Variants in PTPRD observed in about 807,000 individuals in gnomAD.
PTPRD encodes protein tyrosine phosphatase receptor type D.
PTPRD carries 34 observed loss-of-function variants against 214.5 expected under a neutral mutation model. The ratio of observed to expected loss-of-function variants is 0.16; its 90% confidence interval spans 0.12 to 0.21. PTPRD has a LOEUF of 0.21. Among genes scored for constraint, PTPRD ranks in the 10% least tolerant of loss-of-function variants. The pLI is 1.00. For missense variants in PTPRD, 2,545 were observed against 2,398.7 expected, an observed-to-expected ratio of 1.06 and a Z score of -1.27; for synonymous variants, 1,128 against 845.7, an observed-to-expected ratio of 1.33 and a Z score of -5.79.
At chr9:9,802,600 C>G (rs1231748475) in intron 5 of PTPRD, among the ~76,000 whole-genome samples, 11 of 151,666 alleles carry the variant, frequency 7.3e-5, no homozygotes, top group South Asian at 6.2e-4. Context: ...GAAAGCTTAG[C>G]CATATAGTAA....
chr9:10,183,476 T>C (rs2099312642), intron 3 of PTPRD, among the ~76,000 whole-genome samples: 1 of 152,166 alleles, frequency 6.6e-6, no homozygotes, highest in Non-Finnish European at 1.5e-5. Context: ...TTAAATGTGT[T>C]CATGTAACTA....
intron 10 of PTPRD, among the ~76,000 whole-genome samples, chr9:9,150,712 C>T (rs2099876042): frequency 6.6e-6 from 1 of 151,850 alleles, no homozygotes; most frequent in Non-Finnish European, 1.5e-5. Flanking sequence ...GACCTCAGGC[C>T]ATCCACCTGC....
chr9:9,326,827 A>G (rs923220685), intron 9 of PTPRD, among the ~76,000 whole-genome samples: 16 of 152,154 alleles, frequency 1.1e-4, no homozygotes, highest in African/African-American at 3.9e-4. Context: ...TTCACCTTAT[A>G]AAAACTTTTA....
At chr9:9,280,685 G>A (rs900349191) in intron 9 of PTPRD, among the ~76,000 whole-genome samples, 6 of 151,288 alleles carry the variant, frequency 4.0e-5, no homozygotes, top group Non-Finnish European at 7.4e-5. Flanking sequence ...ACTCATTAAT[G>A]TCAGGATTTC....
intron 13 of PTPRD, among the ~76,000 whole-genome samples, chr9:8,634,888 T>G (rs2096379907): frequency 6.6e-6 from 1 of 151,612 alleles, no homozygotes; most frequent in Non-Finnish European, 1.5e-5. Context: ...TACACGCCAG[T>G]GATGTAATTT....
At chr9:10,248,522 A>T (rs969254449) in intron 3 of PTPRD, among the ~76,000 whole-genome samples, 3 of 81,858 alleles carry the variant, frequency 3.7e-5, no homozygotes, top group Non-Finnish European at 1.1e-4. Context: ...AAAAAAAAAA[A>T]AAAATAAAAA....
In PTPRD at chr9:8,512,403, T is replaced by C. The variant is rs1022028901; in HGVS notation, c.1544-4969A>G. 4.6e-5 allele frequency among the ~76,000 whole-genome samples: 7 copies of C among 152,186 alleles called. No homozygotes were observed. In the South Asian group the frequency reaches 8.3e-4, roughly 18 times the overall value. On this transcript the variant is annotated intron_variant, in intron 21 of 45. Transcript: ENST00000381196. The stretch of plus-strand genomic sequence containing the variant: ...TTTATATCCAGTGCTCCTTTACTCA[T>C]TGCTAAATCTATTCAGAAAAAGCAT...
At chr9:10,422,653 C>G (rs10081659) in intron 2 of PTPRD, among the ~76,000 whole-genome samples, 10,251 of 152,120 alleles carry the variant, frequency 0.067, 494 homozygotes, top group Admixed American at 0.17. Context: ...AGGATATGAA[C>G]ACACACTTCT....
intron 2 of PTPRD, among the ~76,000 whole-genome samples, chr9:10,455,177 T>A (rs1304779761): frequency 1.3e-5 from 2 of 151,774 alleles, no homozygotes; most frequent in Non-Finnish European, 3.0e-5. Context: ...AACTCTTTTT[T>A]CAGCCTCCTC....
intron 4 of PTPRD, among the ~76,000 whole-genome samples, chr9:9,972,786 T>A (rs1205627258): frequency 6.6e-6 from 1 of 152,148 alleles, no homozygotes. Flanking sequence ...GCATCATTAC[T>A]AGCTTTTGCT....
intron 9 of PTPRD, among the ~76,000 whole-genome samples, chr9:9,390,496 A>G (rs2065428375): frequency 6.6e-6 from 1 of 152,184 alleles, no homozygotes; most frequent in Non-Finnish European, 1.5e-5. Context: ...CTAATGTCCT[A>G]AAGTATTCAT....
At chr9:9,507,401 A>C (rs906571401) in intron 8 of PTPRD, among the ~76,000 whole-genome samples, 1 of 151,348 alleles carries the variant, frequency 6.6e-6, no homozygotes, top group Non-Finnish European at 1.5e-5. Flanking sequence ...TGTATACAAT[A>C]AAAATGTAAG....
intron 39 of PTPRD, among the ~76,000 whole-genome samples, chr9:8,352,762 G>A (rs2075864588): frequency 6.6e-6 from 1 of 152,170 alleles, no homozygotes; most frequent in Non-Finnish European, 1.5e-5. Flanking sequence ...TTCCCACACA[G>A]ACAAGATTTT....
intron 11 of PTPRD, among the ~76,000 whole-genome samples, chr9:8,841,871 T>TGTG (rs2097565259): frequency 6.6e-6 from 1 of 151,454 alleles, no homozygotes; most frequent in Non-Finnish European, 1.5e-5. Context: ...ATTAGCCAGG[T>TGTG]GTGGTGGCGG....
chr9:9,054,778 A>G (rs2099693181), intron 10 of PTPRD, among the ~76,000 whole-genome samples: 1 of 152,148 alleles, frequency 6.6e-6, no homozygotes, highest in South Asian at 2.1e-4. Context: ...ATAGATATCA[A>G]CCCTTGATGA....
At chr9:10,060,796 C>T (rs1279618507) in intron 3 of PTPRD, among the ~76,000 whole-genome samples, 1 of 125,996 alleles carries the variant, frequency 7.9e-6, no homozygotes, top group Non-Finnish European at 1.5e-5. Flanking sequence ...TTCTTTCTTT[C>T]TTTCTTCCTT....
intron 8 of PTPRD, among the ~76,000 whole-genome samples, chr9:9,480,928 C>T (rs888528785): frequency 6.6e-5 from 10 of 152,134 alleles, no homozygotes; most frequent in Admixed American, 2.0e-4. Flanking sequence ...CCTTCATATG[C>T]CACATGCTAC....
chr9:9,445,046 A>T (rs914908548), intron 8 of PTPRD, among the ~76,000 whole-genome samples: 4 of 152,124 alleles, frequency 2.6e-5, no homozygotes, highest in Non-Finnish European at 5.9e-5. Context: ...CAACAAACAC[A>T]CAAATAAATG....
chr9:10,482,790 T>C (rs2757867), intron 2 of PTPRD, among the ~76,000 whole-genome samples: 139,921 of 152,242 alleles, frequency 0.92, 64,407 homozygotes, highest in East Asian at 1. Flanking sequence ...AACTACAAAA[T>C]TCTGCTGAAA....
Sources: allele counts gnomAD v4.1 joint callset (sites outside exome capture counted in the v4.1 genomes callset), GRCh38; gene constraint gnomAD v4.1.1; transcripts MANE v1.5; gene names NCBI Gene and HGNC (gene_info 2026-07-23, HGNC 2026-07-21).